RTP4: variants seen among roughly 807,000 people sequenced by gnomAD.
RTP4 encodes the protein receptor-transporting protein 4.
RTP4 carries 5 observed loss-of-function variants against 6.5 expected under a neutral mutation model. The observed-to-expected ratio is 0.77, with a 90% CI of 0.40 to 1.62. The LOEUF is 1.62. Ranked by LOEUF, RTP4 falls within the 40% of genes most tolerant of loss-of-function variation. RTP4 has a pLI of 0.02. For synonymous variants in RTP4, 112 were observed against 114.8 expected (o/e 0.98, Z 0.15); for missense variants, 266 against 288.7 (o/e 0.92, Z 0.57).
intron 1 of RTP4, 133 bp downstream of exon 1, chr3:187,368,729 T>C: frequency 1.3e-6 from 1 of 773,202 alleles, no homozygotes; most frequent in South Asian, 2.5e-5. Context: ...GTGGTCATAG[T>C]ACTCTTTAGG....
chr3:187,370,818 G>A lies in RTP4; in HGVS notation c.186G>A (p.Trp62Ter). 6.2e-7 allele frequency: 1 copy of A among 1,613,430 alleles called. No individual in the cohort carries two copies. Among genetic ancestry groups the A allele is most frequent in the East Asian group, 2.2e-5 (1 of 44,844 alleles). Residue 62 changes from tryptophan to a stop codon, truncating the protein, a stop_gained, in exon 2 of 2, where the codon TGG becomes TGA. Transcript: ENST00000259030. LOFTEE classifies it low-confidence loss of function (END_TRUNC). ...GGTGTTCCTCCTGCCAGCGAAGTTG[G>A]GCTTCCGCCCAAGTGCAGATTCTGT... Reference protein sequence around the residue: ...WFRCSSCQRSWASAQVQILCH... With the variant: ...WFRCSSCQRS
rs370314465 is a variant in RTP4, at chr3:187,370,984, C to T, written c.352C>T (p.Leu118=). The T allele has an allele frequency of 1.9e-6, 3 of 1,614,076 alleles. No homozygotes were observed. In the African/African-American group the frequency reaches 4.0e-5, roughly 22 times the overall value. Residue 118 remains leucine, a synonymous_variant, in exon 2 of 2, where the codon CTG becomes TTG. Coordinates refer to ENST00000259030, the MANE Select transcript of RTP4 (RefSeq NM_022147.3). ...SDSTMRILSN[L]VQHILKKYYG... ...TAGCACCATGAGGATTCTGAGCAAC[C>T]TGGTGCAGCATATACTGAAGAAATA...
chr3:187,371,267 G>A lies in RTP4; in HGVS notation c.635G>A (p.Ser212Asn), dbSNP rs1711610656. 1 of 1,611,294 alleles carries A rather than the reference G, an allele frequency of 6.2e-7. No individual in the cohort carries two copies. The highest frequency in any genetic ancestry group is 1.3e-5 in the African/African-American group (1 of 75,028). ...QSAEAKEAKGSGYEKLGPSRD... is the reference protein window; with the variant it reads ...QSAEAKEAKGNGYEKLGPSRD... Reference sequence around the variant, plus strand: ...GCTGAGGCAAAAGAGGCTAAGGGGAGTGGGTATGAGAAATTAGGGCCCAGT... The same window carrying A: ...GCTGAGGCAAAAGAGGCTAAGGGGAATGGGTATGAGAAATTAGGGCCCAGT... Residue 212 changes from serine to asparagine, a missense_variant, in exon 2 of 2, where the codon AGT becomes AAT. By Grantham distance (46) the Ser-to-Asn change is conservative. Coordinates refer to ENST00000259030, the MANE Select transcript of RTP4 (RefSeq NM_022147.3).
At position 187,370,896 on chromosome 3, in the gene RTP4, C is replaced by T. The variant is rs752747188; in HGVS notation, c.264C>T (p.Leu88=). The change falls in exon 2 of 2, where the codon CTC becomes CTT. Residue 88 remains leucine, a synonymous_variant. Coordinates refer to ENST00000259030, the MANE Select transcript of RTP4 (RefSeq NM_022147.3). ...CCCAGGGTCAGGTGCGTATGAGGCT[C>T]TTTGGCCAAAGGTGCCAGAAGTGCT... The part of the protein sequence containing the change: ...WTSQGQVRMR[L]FGQRCQKCSW... 5 of 1,614,188 alleles carry T rather than the reference C, an allele frequency of 3.1e-6. No individual in the cohort carries two copies. In the South Asian group the frequency reaches 5.5e-5, roughly 18 times the overall value.
intron 1 of RTP4, among the ~76,000 whole-genome samples, chr3:187,369,458 C>T (rs1448136908): frequency 6.6e-6 from 1 of 152,046 alleles, no homozygotes; most frequent in Non-Finnish European, 1.5e-5. Context: ...AGACCCTCCC[C>T]TCACCCCTCC....
At chr3:187,368,912 A>G (rs1711553033) in intron 1 of RTP4, among the ~76,000 whole-genome samples, 1 of 151,546 alleles carries the variant, frequency 6.6e-6, no homozygotes, top group South Asian at 2.1e-4. Context: ...CTACCTCTAG[A>G]GTCTTTTGCA....
rs1291484190 is a variant in RTP4 at position 187,371,838 on chromosome 3, G to A, written c.*465G>A. 6.4e-6 allele frequency: 1 copy of A among 155,934 alleles called. No individual in the cohort carries two copies. The highest frequency in any genetic ancestry group is 6.2e-5 in the Admixed American group (1 of 16,006). The allele number at this position is 155,934 out of a possible 1,614,324, so 9.7% of individuals were successfully genotyped here. On this transcript the variant is annotated 3_prime_UTR_variant, in exon 2 of 2. Coordinates refer to ENST00000259030, the MANE Select transcript of RTP4 (RefSeq NM_022147.3). ...CAGGGAGGCAACAAGCTCAAAATCAGAAAAAAGAGATTTGTCAATGGAACA... is the reference window on the plus strand; with the variant it reads ...CAGGGAGGCAACAAGCTCAAAATCAAAAAAAAGAGATTTGTCAATGGAACA...
In RTP4 at chr3:187,368,543, G is replaced by C; in HGVS notation, c.102G>C (p.Gln34His). 6.2e-7 allele frequency: 1 copy of C among 1,614,192 alleles called. No homozygotes were observed. Among genetic ancestry groups the C allele is most frequent in the South Asian group, 1.1e-5 (1 of 91,082 alleles). ...TWTLKLDGNL[Q>H]LDCLAQGWKQ... The stretch of plus-strand genomic sequence containing the variant: ...CGCTGAAGTTGGATGGCAACCTTCA[G>C]CTAGACTGCCTGGCTCAAGGGTGGA... Residue 34 changes from glutamine (Q) to histidine (H), a missense_variant, in exon 1 of 2, where the codon CAG (glutamine) becomes CAC (histidine). Transcript: ENST00000259030.
In RTP4 at chr3:187,371,620, T is replaced by C. The variant is rs1016619636; in HGVS notation, c.*247T>C. 6.2e-6 allele frequency: 3 copies of C among 480,466 alleles called. No individual in the cohort carries two copies. The highest frequency in any genetic ancestry group is 1.1e-3 in the Middle Eastern group (2 of 1,774). The allele number at this position is 480,466 out of a possible 1,614,324, so 29.8% of individuals were successfully genotyped here. On this transcript the variant is annotated 3_prime_UTR_variant, in exon 2 of 2. Transcript: ENST00000259030. ...ATTCATTCACTAAGTCACTCAGTGA[T>C]ATCAATATACTTAGCTCAGAAAGTG...
In RTP4 at chr3:187,371,742, TG is replaced by T. The variant is rs1711620239; in HGVS notation, c.*370del. On this transcript the variant is annotated 3_prime_UTR_variant, in exon 2 of 2. Coordinates refer to ENST00000259030, the MANE Select transcript of RTP4 (RefSeq NM_022147.3). The stretch of plus-strand genomic sequence containing the variant: ...TACATGGTAGAATGGACTTTGCGGA[TG>T]TAATTAAGGACCTTGAAATGGTTAG... The T allele has an allele frequency of 5.1e-6, 1 of 195,970 alleles. No individual in the cohort carries two copies. The highest frequency in any genetic ancestry group is 1.3e-4 in the East Asian group (1 of 7,948). 12.1% of individuals were successfully genotyped at this position (195,970 alleles called of 1,614,324 possible).
chr3:187,370,958 A>T lies in RTP4; in HGVS notation c.326A>T (p.Asp109Val). 1 of 1,614,208 alleles carries T rather than the reference A, an allele frequency of 6.2e-7. No homozygotes were observed. The highest frequency in any genetic ancestry group is 1.1e-5 in the South Asian group (1 of 91,080). Residue 109 changes from aspartate (D) to valine (V), a missense_variant, in exon 2 of 2, where the codon GAT becomes GTT. Asp to Val is a radical substitution (Grantham distance 152). Transcript: ENST00000259030. ...SQYEMPEFSS[D>V]STMRILSNLV... ...TATGAGATGCCTGAGTTCTCCTCGG[A>T]TAGCACCATGAGGATTCTGAGCAAC...
In RTP4 at chr3:187,370,917, G is replaced by A. The variant is rs1711598023; in HGVS notation, c.285G>A (p.Lys95=). 1 of 1,614,112 alleles carries A rather than the reference G, an allele frequency of 6.2e-7. No homozygotes were observed. The highest frequency in any genetic ancestry group is 8.5e-7 in the Non-Finnish European group (1 of 1,180,050). The part of the protein sequence containing the change: ...RMRLFGQRCQ[K]CSWSQYEMPE... ...GGCTCTTTGGCCAAAGGTGCCAGAA[G>A]TGCTCCTGGTCCCAATATGAGATGC... is the stretch of plus-strand genomic sequence containing the variant. The change falls in exon 2 of 2, where the codon AAG becomes AAA. Residue 95 remains lysine (K), a synonymous_variant. Transcript: ENST00000259030.
At position 187,370,850 on chromosome 3, in the gene RTP4, C is replaced by G; in HGVS notation, c.218C>G (p.Thr73Arg). 1.9e-6 allele frequency: 3 copies of G among 1,614,124 alleles called. No individual in the cohort carries two copies. Among genetic ancestry groups the G allele is most frequent in the Non-Finnish European group, 2.5e-6 (3 of 1,180,044 alleles). The change falls in exon 2 of 2, where the codon ACG (threonine) becomes AGG (arginine). Residue 73 changes from threonine (T) to arginine (R), a missense_variant. Thr to Arg is a moderately conservative substitution (Grantham distance 71). Transcript: ENST00000259030. ...ASAQVQILCH[T>R]YWEHWTSQGQ... is the part of the protein sequence containing the mutation. Reference sequence around the variant, plus strand: ...GCCCAAGTGCAGATTCTGTGCCACACGTACTGGGAGCACTGGACATCCCAG... The same window carrying G: ...GCCCAAGTGCAGATTCTGTGCCACAGGTACTGGGAGCACTGGACATCCCAG...
chr3:187,371,477 C>T lies in RTP4; in HGVS notation c.*104C>T. 1.2e-6 allele frequency: 1 copy of T among 813,582 alleles called. No homozygotes were observed. Among genetic ancestry groups the T allele is most frequent in the Non-Finnish European group, 1.9e-6 (1 of 527,590 alleles). The allele number at this position is 813,582 out of a possible 1,614,324, so 50.4% of individuals were successfully genotyped here. On this transcript the variant is annotated 3_prime_UTR_variant, in exon 2 of 2. Coordinates refer to ENST00000259030, the MANE Select transcript of RTP4 (RefSeq NM_022147.3). ...AATTCATTTTGAGACCAAGCAGGAT[C>T]AAGTTTGTAGAATAAACACTGGTTT...
chr3:187,371,545 A>G lies in RTP4; in HGVS notation c.*172A>G, dbSNP rs1451695234. The G allele has an allele frequency of 1.9e-5, 11 of 588,192 alleles. No homozygotes were observed. Among genetic ancestry groups the G allele is most frequent in the Non-Finnish European group, 3.0e-5 (10 of 334,004 alleles). 36.4% of individuals were successfully genotyped at this position (588,192 alleles called of 1,614,324 possible). ...AACAGTATGAAACATGACCAAGTAC[A>G]TAATGGATTTAGTAATAAATATTGT... On this transcript the variant is annotated 3_prime_UTR_variant, in exon 2 of 2. Transcript: ENST00000259030.
At chr3:187,368,950 C>T (rs1357281039) in intron 1 of RTP4, among the ~76,000 whole-genome samples, 3 of 152,086 alleles carry the variant, frequency 2.0e-5, no homozygotes, top group Non-Finnish European at 4.4e-5. Flanking sequence ...GACCAGCTTC[C>T]CCCAGCTGCA....
Position 187,370,961 on chromosome 3 carries a change from G to T in RTP4, c.329G>T (p.Ser110Ile). The T allele has an allele frequency of 6.2e-7, 1 of 1,614,208 alleles. No individual in the cohort carries two copies. The highest frequency in any genetic ancestry group is 8.5e-7 in the Non-Finnish European group (1 of 1,180,042). Residue 110 changes from serine (S) to isoleucine (I), a missense_variant, in exon 2 of 2, where the codon AGC (serine) becomes ATC (isoleucine). By Grantham distance (142) the Ser-to-Ile change is moderately radical (BLOSUM62 -2). Coordinates refer to ENST00000259030, the MANE Select transcript of RTP4 (RefSeq NM_022147.3). ...QYEMPEFSSD[S>I]TMRILSNLVQ... ...GAGATGCCTGAGTTCTCCTCGGATA[G>T]CACCATGAGGATTCTGAGCAACCTG...
rs900400957 is a variant in RTP4 at position 187,368,604 on chromosome 3, T to G, written c.155+8T>G. The G allele has an allele frequency of 2.5e-6, 4 of 1,604,304 alleles. No homozygotes were observed. In the African/African-American group the frequency reaches 5.4e-5, roughly 22 times the overall value. ...ACAGAGAGCATTTGGCTGGTGAGTG[T>G]GGGTTTCCCAGGCAATAGCTCTTCT... is the stretch of plus-strand genomic sequence containing the variant. On this transcript the variant is annotated splice_region_variant and intron_variant, in intron 1 of 1. Transcript: ENST00000259030.
intron 1 of RTP4, among the ~76,000 whole-genome samples, 198 bp downstream of exon 1, chr3:187,368,794 C>T (rs1214074574): frequency 6.6e-6 from 1 of 152,120 alleles, no homozygotes; most frequent in Non-Finnish European, 1.5e-5. Flanking sequence ...CTGGAAGTTT[C>T]TTCTTTTACT....
Sources: gnomAD v4.1 joint callset for allele counts (sites outside exome capture counted in the v4.1 genomes callset) on GRCh38, gnomAD v4.1.1 for gene constraint, MANE v1.5 for transcripts, NCBI Gene and HGNC (gene_info 2026-07-23, HGNC 2026-07-21) for gene names.